RBMS1: variants seen among roughly 807,000 people sequenced by gnomAD.
The protein encoded by RBMS1 is RNA binding motif single stranded interacting protein 1, also known as RNA-binding motif, single-stranded-interacting protein 1.
In RBMS1, 17 loss-of-function variants were observed where a neutral mutation model predicts 62.3. The ratio of observed to expected loss-of-function variants is 0.27; its 90% CI spans 0.19 to 0.41. The LOEUF (loss-of-function observed/expected upper bound fraction) is 0.41. Ranked by LOEUF, RBMS1 falls within the 10% of genes least tolerant of loss-of-function variation. RBMS1 has a pLI of 1.00. For synonymous variants in RBMS1, 172 were observed against 170.0 expected, an observed-to-expected ratio of 1.01 and a Z score of -0.09; for missense variants, 334 against 504.5, an observed-to-expected ratio of 0.66 and a Z score of 3.24.
intron 1 of RBMS1, chr2:160,416,117 T>C (rs1295839349): frequency 6.8e-6 from 1 of 147,892 alleles, no homozygotes; most frequent in Non-Finnish European, 1.5e-5. Context: ...GTTTAACACA[T>C]GGGGTGAACT....
chr2:160,481,929 C>G (rs2105357952), intron 1 of RBMS1, among the ~76,000 whole-genome samples: 1 of 152,254 alleles, frequency 6.6e-6, no homozygotes, highest in Admixed American at 6.5e-5. Context: ...TCTACCCAAG[C>G]TGAACATACA....
intron 1 of RBMS1, among the ~76,000 whole-genome samples, chr2:160,482,423 C>A (rs1267215917): frequency 9.2e-6 from 1 of 108,278 alleles, no homozygotes; most frequent in Non-Finnish European, 2.3e-5. Context: ...TTTAAATAAA[C>A]AAATAAAATT....
chr2:160,482,456 T>C (rs1318879646), intron 1 of RBMS1, among the ~76,000 whole-genome samples: 5 of 152,248 alleles, frequency 3.3e-5, no homozygotes, highest in African/African-American at 4.8e-5. Context: ...TTTGTGATGA[T>C]GCACACTATG....
At chr2:160,366,838 A>G (rs1693423693) in intron 2 of RBMS1, 1 of 165,128 alleles carries the variant, frequency 6.1e-6, no homozygotes, top group Admixed American at 6.0e-5. Flanking sequence ...TCTTTCTGAC[A>G]AACAATGATA....
intron 2 of RBMS1, among the ~76,000 whole-genome samples, chr2:160,322,687 C>A (rs1690639948): frequency 6.6e-6 from 1 of 152,154 alleles, no homozygotes; most frequent in Admixed American, 6.5e-5. Context: ...CTAAAATATT[C>A]TTCTTTTGGG....
chr2:160,475,258 G>A (rs930106278), intron 1 of RBMS1, among the ~76,000 whole-genome samples: 22 of 152,076 alleles, frequency 1.4e-4, no homozygotes, highest in Non-Finnish European at 2.6e-4. Context: ...CACTTCATTC[G>A]CCTCTCCACC....
At chr2:160,395,862 T>C (rs1573996147) in intron 1 of RBMS1, among the ~76,000 whole-genome samples, 1 of 152,172 alleles carries the variant, frequency 6.6e-6, no homozygotes, top group East Asian at 1.9e-4. Flanking sequence ...ATGATCACAA[T>C]TTTCTTCCAC....
intron 1 of RBMS1, among the ~76,000 whole-genome samples, chr2:160,369,480 C>A (rs367815099): frequency 6.6e-6 from 1 of 152,202 alleles, no homozygotes; most frequent in Non-Finnish European, 1.5e-5. Flanking sequence ...TGCCTCCTGT[C>A]CCAAGCCTTT....
rs1559593815 is a variant in RBMS1, at chr2:160,471,707, ATATATATAT to A, written c.75+21573_75+21581del. The stretch of plus-strand genomic sequence containing the variant: ...TCCTTTGGTGTATATATATATATAT[ATATATATAT>A]AACCTTTCATACATTCTGATTATAA... On this transcript the variant is annotated intron_variant, in intron 1 of 13. Coordinates refer to ENST00000348849, the MANE Select transcript of RBMS1 (RefSeq NM_016836.4). Among the ~76,000 whole-genome samples the A allele has an allele frequency of 5.3e-4, 57 of 107,630 alleles. 2 individuals carry two copies. The highest frequency in any genetic ancestry group is 1.5e-3 in the African/African-American group (50 of 32,610). The allele number at this position is 107,630 out of a possible 152,430, so 70.6% of individuals were successfully genotyped here.
chr2:160,340,720 A>C (rs778369687), intron 2 of RBMS1, among the ~76,000 whole-genome samples: 1 of 152,210 alleles, frequency 6.6e-6, no homozygotes, highest in Non-Finnish European at 1.5e-5. Flanking sequence ...TCTAAAGCTA[A>C]ATAAATTAGC....
intron 9 of RBMS1, chr2:160,282,012 T>C (rs759437779): frequency 4.3e-5 from 14 of 324,464 alleles, no homozygotes; most frequent in African/African-American, 1.1e-4. Flanking sequence ...AATTGAGAAA[T>C]AGATGTGAGA....
intron 1 of RBMS1, among the ~76,000 whole-genome samples, chr2:160,412,833 C>A (rs1369519684): frequency 6.6e-6 from 1 of 152,194 alleles, no homozygotes; most frequent in Non-Finnish European, 1.5e-5. Flanking sequence ...AGGGACAATG[C>A]AGACTTGGGG....
intron 9 of RBMS1, chr2:160,282,034 T>C (rs1487068293): frequency 3.0e-6 from 1 of 336,346 alleles, no homozygotes; most frequent in African/African-American, 2.2e-5. Flanking sequence ...TCAGGTTTTG[T>C]GGCAGGAAAG....
intron 2 of RBMS1, among the ~76,000 whole-genome samples, chr2:160,328,741 G>A (rs1443229562): frequency 1.3e-5 from 2 of 152,030 alleles, no homozygotes; most frequent in African/African-American, 2.4e-5. Context: ...AAAAGCTTTC[G>A]TTTCTAAACT....
intron 2 of RBMS1, 140 bp from the exon 3 acceptor site, chr2:160,318,367 T>C: frequency 7.9e-7 from 1 of 1,265,682 alleles, no homozygotes; most frequent in Non-Finnish European, 1.0e-6. Flanking sequence ...AAATTTTCTT[T>C]ACTAAGAGAC....
chr2:160,336,128 G>T (rs1192538203), intron 2 of RBMS1, among the ~76,000 whole-genome samples: 1 of 152,114 alleles, frequency 6.6e-6, no homozygotes, highest in African/African-American at 2.4e-5. Context: ...AACAAAAAGT[G>T]AAAAATCCCA....
chr2:160,358,479 G>A (rs777757577), intron 2 of RBMS1, among the ~76,000 whole-genome samples: 3 of 152,058 alleles, frequency 2.0e-5, no homozygotes, highest in Non-Finnish European at 2.9e-5. Context: ...ACAGAAGCAA[G>A]CCAAGTTCCA....
At chr2:160,482,513 CAGTA>C (rs1685412599) in intron 1 of RBMS1, among the ~76,000 whole-genome samples, 1 of 152,172 alleles carries the variant, frequency 6.6e-6, no homozygotes, top group South Asian at 2.1e-4. Context: ...CATGCCTGGA[CAGTA>C]AGTATTTACT....
At chr2:160,444,335 C>A (rs565110319) in intron 1 of RBMS1, among the ~76,000 whole-genome samples, 1 of 152,208 alleles carries the variant, frequency 6.6e-6, no homozygotes, top group South Asian at 2.1e-4. Context: ...ACATAAAGTA[C>A]GTGGAAACCA....
Sources: allele counts gnomAD v4.1 joint callset (sites outside exome capture counted in the v4.1 genomes callset), GRCh38; gene constraint gnomAD v4.1.1; transcripts MANE v1.5; gene names NCBI Gene and HGNC (gene_info 2026-07-23, HGNC 2026-07-21).